The following BNC2 variants were observed in gnomAD, a reference collection of about 807,000 sequenced individuals.
The protein encoded by BNC2 is zinc finger protein basonuclin-2.
BNC2 carries 20 observed loss-of-function variants against 76.3 expected under a neutral mutation model. That is an observed-to-expected ratio of 0.26 (90% confidence interval 0.18 to 0.38). The LOEUF (loss-of-function observed/expected upper bound fraction) is 0.38, where lower values mean the gene tolerates loss of function less well. BNC2 is among the 10% of genes least tolerant of loss of function. The probability of loss-of-function intolerance (pLI) is 1.00; values close to 1 mark genes in which losing one functional copy is unlikely to be tolerated. For missense variants in BNC2, 1,382 were observed against 1,399.8 expected, an observed-to-expected ratio of 0.99 and a Z score of 0.20; for synonymous variants, 582 against 514.8, an observed-to-expected ratio of 1.13 and a Z score of -1.77.
intron 3 of BNC2, among the ~76,000 whole-genome samples, chr9:16,589,553 G>C (rs1053676756): frequency 1.3e-5 from 2 of 151,986 alleles, no homozygotes; most frequent in Non-Finnish European, 2.9e-5. Context: ...CTGTCACCCA[G>C]GCTGGAGTAC....
At chr9:16,705,342 G>T (rs1208636746) in intron 3 of BNC2, among the ~76,000 whole-genome samples, 1 of 152,214 alleles carries the variant, frequency 6.6e-6, no homozygotes, top group African/African-American at 2.4e-5. Flanking sequence ...CGCTGGGCCA[G>T]CTTTGACGGG....
chr9:16,458,779 T>C (rs1349799553), intron 5 of BNC2, among the ~76,000 whole-genome samples: 1 of 152,252 alleles, frequency 6.6e-6, no homozygotes, highest in Non-Finnish European at 1.5e-5. Context: ...GCACTCACTA[T>C]GTGCCGGGCA....
chr9:16,728,148 C>T (rs1248369440), intron 2 of BNC2, 151 bp from the exon 3 acceptor site: 2 of 758,588 alleles, frequency 2.6e-6, no homozygotes, highest in Middle Eastern at 3.6e-4. Flanking sequence ...ACCTTCTGCA[C>T]AGATATCCCT....
intron 5 of BNC2, among the ~76,000 whole-genome samples, chr9:16,491,292 G>C (rs1201530382): frequency 1.3e-5 from 2 of 152,192 alleles, no homozygotes; most frequent in East Asian, 3.8e-4. Context: ...TGGAGGCAAT[G>C]CTGCTAATCA....
chr9:16,765,379 C>T (rs73646242), intron 1 of BNC2, among the ~76,000 whole-genome samples: 3,122 of 152,170 alleles, frequency 0.021, 103 homozygotes, highest in African/African-American at 0.072. Flanking sequence ...CAAAAATCCA[C>T]CCCTGAAATG....
At chr9:16,840,055 C>A (rs981042855) in intron 1 of BNC2, among the ~76,000 whole-genome samples, 1 of 152,192 alleles carries the variant, frequency 6.6e-6, no homozygotes, top group African/African-American at 2.4e-5. Context: ...TTACTCTTTA[C>A]ATCTTTACTG....
chr9:16,835,996 A>C (rs893628762), intron 1 of BNC2, among the ~76,000 whole-genome samples: 10 of 152,176 alleles, frequency 6.6e-5, no homozygotes. Flanking sequence ...AATCTATTTC[A>C]CCCCACTCAG....
At chr9:16,506,675 G>A (rs1219674345) in intron 5 of BNC2, among the ~76,000 whole-genome samples, 8 of 151,336 alleles carry the variant, frequency 5.3e-5, no homozygotes, top group African/African-American at 1.5e-4. Flanking sequence ...ACAGTCACCC[G>A]CCACCACACC....
At position 16,569,499 on chromosome 9, in the gene BNC2, C is replaced by T. The variant is rs144811094; in HGVS notation, c.433+13484G>A. ...ACAGCCAATATTTCAAACTGAATGGCATTTCCCCCTGTGGCCTTACGCATA... is the reference window on the plus strand; with the variant it reads ...ACAGCCAATATTTCAAACTGAATGGTATTTCCCCCTGTGGCCTTACGCATA... On this transcript the variant is annotated intron_variant, in intron 4 of 6. Transcript: ENST00000380672. Among the ~76,000 whole-genome samples the T allele has an allele frequency of 2.6e-5, 4 of 152,098 alleles. No homozygotes were observed. The East Asian group carries it at 7.7e-4, about 29-fold the overall frequency.
chr9:16,579,873 G>C (rs1218881728), intron 4 of BNC2: 1 of 376,860 alleles, frequency 2.7e-6, no homozygotes, highest in Non-Finnish European at 4.7e-6. Flanking sequence ...CATGATTTTG[G>C]CATTTGGTTA....
intron 1 of BNC2, among the ~76,000 whole-genome samples, chr9:16,761,619 A>T (rs1302285324): frequency 6.6e-6 from 1 of 152,168 alleles, no homozygotes; most frequent in Non-Finnish European, 1.5e-5. Context: ...AAAGCAACAT[A>T]CTCGTAAGTT....
intron 1 of BNC2, among the ~76,000 whole-genome samples, chr9:16,751,637 T>TGC (rs1397339617): frequency 6.9e-5 from 4 of 57,668 alleles, no homozygotes; most frequent in African/African-American, 1.8e-4. Flanking sequence ...TATGTATGTA[T>TGC]ATATGTATGT....
chr9:16,525,733 A>G (rs1335438120), intron 5 of BNC2, among the ~76,000 whole-genome samples: 2 of 152,318 alleles, frequency 1.3e-5, no homozygotes, highest in Admixed American at 1.3e-4. Flanking sequence ...TATTAAGTGA[A>G]AAAGGAAAAG....
intron 3 of BNC2, among the ~76,000 whole-genome samples, chr9:16,697,392 T>C (rs1346819153): frequency 6.6e-6 from 1 of 151,772 alleles, no homozygotes; most frequent in African/African-American, 2.4e-5. Flanking sequence ...AGGTCGTTCC[T>C]TGCCCAACAA....
chr9:16,578,018 G>C (rs560474182), intron 4 of BNC2, among the ~76,000 whole-genome samples: 6 of 151,670 alleles, frequency 4.0e-5, no homozygotes, highest in East Asian at 2.0e-4. Flanking sequence ...CACATACCTA[G>C]GAAACAGTGG....
chr9:16,792,816 A>G (rs1817549576), intron 1 of BNC2, among the ~76,000 whole-genome samples: 1 of 152,246 alleles, frequency 6.6e-6, no homozygotes, highest in African/African-American at 2.4e-5. Flanking sequence ...AGTTAATAAC[A>G]TTGTTTGCTG....
At chr9:16,724,496 A>G (rs915471877) in intron 3 of BNC2, among the ~76,000 whole-genome samples, 8 of 152,100 alleles carry the variant, frequency 5.3e-5, no homozygotes, top group African/African-American at 1.9e-4. Flanking sequence ...ATGTTCTCAA[A>G]TACTCAGCTA....
rs1820545856 is a variant in BNC2 at position 16,414,638 on chromosome 9, T to G, written c.*4351A>C. 6.6e-6 allele frequency: 1 copy of G among 152,234 alleles called. No homozygotes were observed. The highest frequency in any genetic ancestry group is 2.4e-5 in the African/African-American group (1 of 41,458). The allele number at this position is 152,234 out of a possible 1,614,324, so 9.4% of individuals were successfully genotyped here. A position where few individuals can be genotyped will look rare whatever the true frequency, so the allele number is the denominator to read the frequency against. On this transcript the variant is annotated 3_prime_UTR_variant, in exon 7 of 7. Transcript: ENST00000380672. ...GTGTCTTATGACAGGTGAATTTTAT[T>G]TACTCTGTTAGTCAATCTAACCCAA...
chr9:16,721,481 G>A (rs1824156358), intron 3 of BNC2, among the ~76,000 whole-genome samples: 1 of 152,130 alleles, frequency 6.6e-6, no homozygotes, highest in African/African-American at 2.4e-5. Flanking sequence ...AGCTTTGGCA[G>A]ACAGTAGTGA....
Sources: allele counts gnomAD v4.1 joint callset (sites outside exome capture counted in the v4.1 genomes callset), GRCh38; gene constraint gnomAD v4.1.1; transcripts MANE v1.5; gene names NCBI Gene and HGNC (gene_info 2026-07-23, HGNC 2026-07-21).